SHISA9: variants seen among roughly 807,000 people sequenced by gnomAD.
SHISA9 encodes shisa family member 9.
SHISA9 carries 13 observed loss-of-function variants against 38.0 expected under a neutral mutation model. That is an observed-to-expected ratio of 0.34 (90% CI 0.22 to 0.54). The LOEUF is 0.54. Ranked by LOEUF, SHISA9 falls within the 20% of genes least tolerant of loss-of-function variation. The pLI is 0.91. For synonymous variants in SHISA9, 275 were observed against 242.0 expected, an observed-to-expected ratio of 1.14 and a Z score of -1.27; for missense variants, 538 against 575.8, an observed-to-expected ratio of 0.93 and a Z score of 0.67.
At chr16:13,344,534 T>C in the SHISA9 span, among the ~76,000 whole-genome samples, 9 of 152,156 alleles carry the variant, frequency 5.9e-5, no homozygotes, top group Non-Finnish European at 8.8e-5. Flanking sequence ...ATCCTTGCAA[T>C]ATGTTTTCCC....
At chr16:13,037,966 T>C (rs1470231518) in intron 2 of SHISA9, among the ~76,000 whole-genome samples, 2 of 152,194 alleles carry the variant, frequency 1.3e-5, no homozygotes, top group African/African-American at 4.8e-5. Context: ...CATCGTGCTA[T>C]GCTGAACTTT....
chr16:12,990,695 G>T (rs1204337107), intron 2 of SHISA9, among the ~76,000 whole-genome samples: 1 of 152,182 alleles, frequency 6.6e-6, no homozygotes, highest in Non-Finnish European at 1.5e-5. Flanking sequence ...CATCTAGTGA[G>T]TAGAGAGCAG....
intron 2 of SHISA9, among the ~76,000 whole-genome samples, chr16:13,001,052 C>T (rs74894818): frequency 5.3e-4 from 80 of 152,210 alleles, no homozygotes; most frequent in African/African-American, 1.8e-3. Flanking sequence ...CTCACCCCGC[C>T]GAGTAGCTGG....
intron 2 of SHISA9, among the ~76,000 whole-genome samples, chr16:12,983,557 C>T (rs1472957773): frequency 9.2e-5 from 14 of 152,132 alleles, no homozygotes; most frequent in South Asian, 4.2e-4. Context: ...GGCACAATCT[C>T]GGCTCACTGC....
chr16:13,360,773 C>T, the SHISA9 span, among the ~76,000 whole-genome samples: 4 of 152,168 alleles, frequency 2.6e-5, no homozygotes, highest in African/African-American at 9.7e-5. Context: ...AACAGGACAA[C>T]CTGCAACCAG....
chr16:13,382,085 A>G, the SHISA9 span, among the ~76,000 whole-genome samples: 5 of 152,250 alleles, frequency 3.3e-5, no homozygotes, highest in African/African-American at 1.2e-4. Flanking sequence ...GGTAAACAGT[A>G]TTTTAAATTT....
the SHISA9 span, among the ~76,000 whole-genome samples, chr16:13,410,006 C>G: frequency 6.6e-6 from 1 of 152,142 alleles, no homozygotes; most frequent in Non-Finnish European, 1.5e-5. Flanking sequence ...TATAACAAGC[C>G]TTGAAATATG....
the SHISA9 span, among the ~76,000 whole-genome samples, chr16:13,469,379 AAGAAAG>A: frequency 5.5e-5 from 6 of 108,396 alleles, no homozygotes; most frequent in East Asian, 2.1e-3. Flanking sequence ...GAAAGAAAGA[AAGAAAG>A]AAAGAAAGAA....
At chr16:13,478,520 C>T in the SHISA9 span, among the ~76,000 whole-genome samples, 1 of 152,168 alleles carries the variant, frequency 6.6e-6, no homozygotes, top group African/African-American at 2.4e-5. Context: ...CACTGGACTT[C>T]CTTGTGCATC....
In SHISA9 at chr16:12,933,818, A is replaced by T. The variant is rs1456964562; in HGVS notation, c.691+17003A>T. Among the ~76,000 whole-genome samples the T allele has an allele frequency of 2.0e-5, 3 of 152,264 alleles. No individual in the cohort carries two copies. The South Asian group carries it at 6.2e-4, about 32-fold the overall frequency. ...AGGCACTGTGTTAATGAACCAAAAA[A>T]CAAGCCAGGGTTCTGACCACGGGAG... On this transcript the variant is annotated intron_variant, in intron 2 of 4. Transcript: ENST00000558583.
chr16:13,296,254 T>C, the SHISA9 span, among the ~76,000 whole-genome samples: 1 of 151,852 alleles, frequency 6.6e-6, no homozygotes, highest in African/African-American at 2.4e-5. Context: ...CCACCCTCCA[T>C]CTTTTTGGCA....
the SHISA9 span, among the ~76,000 whole-genome samples, chr16:13,479,539 A>G: frequency 6.6e-6 from 1 of 152,212 alleles, no homozygotes; most frequent in South Asian, 2.1e-4. Context: ...GTAATCTGCA[A>G]TCACCTGCAT....
At chr16:13,220,315 C>A (rs1168516357) in intron 4 of SHISA9, among the ~76,000 whole-genome samples, 1 of 152,000 alleles carries the variant, frequency 6.6e-6, no homozygotes, top group East Asian at 1.9e-4. Context: ...ATAAGGCAGC[C>A]CAGATATGGT....
Position 12,902,053 on chromosome 16 carries a change from C to T in SHISA9, c.-12C>T. On this transcript the variant is annotated 5_prime_UTR_variant, in exon 1 of 5. Coordinates refer to ENST00000558583, the MANE Select transcript of SHISA9 (RefSeq NM_001145204.3). Reference sequence around the variant, plus strand: ...CGGCGGCCGAGCGGCCGAGCCCGGGCTGGGAGACACCATGCGCCGCGTCCT... The same window carrying T: ...CGGCGGCCGAGCGGCCGAGCCCGGGTTGGGAGACACCATGCGCCGCGTCCT... 1 of 1,475,812 alleles carries T rather than the reference C, an allele frequency of 6.8e-7. No individual in the cohort carries two copies. The highest frequency in any genetic ancestry group is 8.9e-7 in the Non-Finnish European group (1 of 1,121,614). 91.4% of individuals were successfully genotyped at this position (1,475,812 alleles called of 1,614,324 possible). A position where few individuals can be genotyped will look rare whatever the true frequency, so the allele number is the denominator to read the frequency against.
rs150835245 is a variant in SHISA9 at position 13,103,851 on chromosome 16, T to A, written c.692-99543T>A. ...GGGCCACCATGTCATAGGCTTTGTG[T>A]CCAGATGCTTACGAAGGTGCTAACT... On this transcript the variant is annotated intron_variant, in intron 2 of 4. Coordinates refer to ENST00000558583, the MANE Select transcript of SHISA9 (RefSeq NM_001145204.3). Among the ~76,000 whole-genome samples, 91 of 152,330 alleles carry A rather than the reference T, an allele frequency of 6.0e-4. No homozygotes were observed. The East Asian group carries it at 0.015, about 24-fold the overall frequency.
chr16:13,297,648 G>A, the SHISA9 span, among the ~76,000 whole-genome samples: 1 of 152,238 alleles, frequency 6.6e-6, no homozygotes, highest in Admixed American at 6.5e-5. Flanking sequence ...ATAGTGAAAA[G>A]AATGGTCTGG....
intron 2 of SHISA9, among the ~76,000 whole-genome samples, chr16:13,008,637 C>A (rs1254035916): frequency 4.5e-5 from 2 of 44,178 alleles, no homozygotes; most frequent in South Asian, 9.5e-4. Context: ...CCTCTCTCCT[C>A]CCTCCCTCCC....
chr16:13,109,905 G>A (rs1050155036), intron 2 of SHISA9, among the ~76,000 whole-genome samples: 11 of 152,096 alleles, frequency 7.2e-5, no homozygotes, highest in African/African-American at 2.2e-4. Flanking sequence ...TCACACATTG[G>A]CGAACATTGG....
chr16:13,346,828 T>C, the SHISA9 span, among the ~76,000 whole-genome samples: 2 of 152,236 alleles, frequency 1.3e-5, no homozygotes, highest in Non-Finnish European at 2.9e-5. Flanking sequence ...CCATGTTTTA[T>C]AATCATTTAA....
Sources: allele counts gnomAD v4.1 joint callset (sites outside exome capture counted in the v4.1 genomes callset), GRCh38; gene constraint gnomAD v4.1.1; transcripts MANE v1.5; gene names NCBI Gene and HGNC (gene_info 2026-07-23, HGNC 2026-07-21).